Variants in HS6ST2 observed in about 807,000 individuals in gnomAD.
HS6ST2 encodes the protein heparan sulfate 6-O-sulfotransferase 2, also known as heparan-sulfate 6-O-sulfotransferase 2.
In HS6ST2, 17 loss-of-function variants were observed where a neutral mutation model predicts 33.0. The observed-to-expected ratio is 0.52, with a 90% CI of 0.35 to 0.77. The LOEUF (loss-of-function observed/expected upper bound fraction) is 0.77, where lower values mean the gene tolerates loss of function less well. Among genes scored for constraint, HS6ST2 ranks in the 30% least tolerant of loss-of-function variants. The pLI is 0.01. For missense variants in HS6ST2, 519 were observed against 551.7 expected, an observed-to-expected ratio of 0.94 and a Z score of 0.59; for synonymous variants, 248 against 237.1, an observed-to-expected ratio of 1.05 and a Z score of -0.42.
intron 2 of HS6ST2, among the ~76,000 whole-genome samples, chrX:132,809,351 A>G (rs1037629578): frequency 8.9e-6 from 1 of 112,177 alleles, no homozygotes; most frequent in Non-Finnish European, 1.9e-5. Flanking sequence ...CAGGGACCAC[A>G]CTGTGAAAAA....
intron 2 of HS6ST2, among the ~76,000 whole-genome samples, chrX:132,749,455 G>A (rs1252995921): frequency 8.9e-6 from 1 of 112,668 alleles, no homozygotes; most frequent in Non-Finnish European, 1.9e-5. Context: ...GGGGCTTGGG[G>A]AGGTACATAT....
At chrX:132,645,578 A>G (rs186529457) in intron 4 of HS6ST2, among the ~76,000 whole-genome samples, 1 of 112,056 alleles carries the variant, frequency 8.9e-6, no homozygotes, top group Admixed American at 9.5e-5. Context: ...TTCATGAGTT[A>G]AGGTGTTACT....
In HS6ST2 at chrX:132,627,995, T is replaced by C; in HGVS notation, c.*228A>G. ...AGTCTGGTTTGGCTTTCGGATTTCATATTTAGTCCAACCCCAAAAAGACAA... is the reference window on the plus strand; with the variant it reads ...AGTCTGGTTTGGCTTTCGGATTTCACATTTAGTCCAACCCCAAAAAGACAA... On this transcript the variant is annotated 3_prime_UTR_variant, in exon 5 of 5. Transcript: ENST00000370833. The C allele has an allele frequency of 3.5e-6, 1 of 284,490 alleles. No individual in the cohort carries two copies. Among genetic ancestry groups the C allele is most frequent in the Admixed American group, 5.6e-5 (1 of 17,741 alleles). 23.4% of individuals were successfully genotyped at this position (284,490 alleles called of 1,213,427 possible). A position where few individuals can be genotyped will look rare whatever the true frequency, so the allele number is the denominator to read the frequency against.
At chrX:132,704,427 G>T (rs1205059683) in intron 3 of HS6ST2, among the ~76,000 whole-genome samples, 1 of 110,870 alleles carries the variant, frequency 9.0e-6, no homozygotes, top group East Asian at 2.9e-4. Context: ...GGTGGCACAT[G>T]CCTGAAATCC....
intron 2 of HS6ST2, among the ~76,000 whole-genome samples, chrX:132,805,718 C>T (rs932354943): frequency 1.3e-4 from 14 of 110,118 alleles, no homozygotes; most frequent in African/African-American, 2.9e-4. Flanking sequence ...AACTCCTGCC[C>T]CCACTTTCAC....
intron 2 of HS6ST2, among the ~76,000 whole-genome samples, chrX:132,761,647 C>T (rs2064806200): frequency 8.9e-6 from 1 of 111,961 alleles, no homozygotes; most frequent in South Asian, 3.8e-4. Context: ...GTAATTGGTC[C>T]ATGCAAGGAG....
At chrX:132,642,413 A>G (rs1219614939) in intron 4 of HS6ST2, among the ~76,000 whole-genome samples, 1 of 110,984 alleles carries the variant, frequency 9.0e-6, no homozygotes, top group African/African-American at 3.3e-5. Flanking sequence ...CAAGGTGCTG[A>G]GAGATATGAA....
chrX:132,714,349 T>G (rs2064256001), intron 2 of HS6ST2, among the ~76,000 whole-genome samples: 1 of 110,454 alleles, frequency 9.1e-6, no homozygotes, highest in Non-Finnish European at 1.9e-5. Flanking sequence ...GGAGTCTCCC[T>G]CTGTTGCCCA....
intron 2 of HS6ST2, among the ~76,000 whole-genome samples, chrX:132,838,503 A>G (rs752224315): frequency 1.3e-4 from 15 of 111,983 alleles, no homozygotes; most frequent in Non-Finnish European, 2.3e-4. Flanking sequence ...AAATTATAGT[A>G]TCTGAATTGA....
chrX:132,843,584 A>G (rs1263564078), intron 2 of HS6ST2, among the ~76,000 whole-genome samples: 1 of 111,711 alleles, frequency 9.0e-6, no homozygotes, highest in Admixed American at 9.6e-5. Flanking sequence ...TTAGCAATCA[A>G]CAGTTCATTA....
intron 2 of HS6ST2, among the ~76,000 whole-genome samples, chrX:132,932,614 C>T (rs2066784534): frequency 9.1e-6 from 1 of 110,475 alleles, no homozygotes. Flanking sequence ...CGTAGAAAGG[C>T]GTGACCCATA....
chrX:132,898,576 A>T (rs1326639976), intron 2 of HS6ST2, among the ~76,000 whole-genome samples: 1 of 109,655 alleles, frequency 9.1e-6, no homozygotes, highest in Non-Finnish European at 1.9e-5. Flanking sequence ...ATGAAAAAAA[A>T]ATGGCTTTCA....
intron 2 of HS6ST2, among the ~76,000 whole-genome samples, chrX:132,786,804 T>G (rs944640065): frequency 4.6e-5 from 5 of 108,622 alleles, no homozygotes; most frequent in African/African-American, 1.7e-4. Context: ...GTATTTTCAG[T>G]AGAGACGAGG....
intron 2 of HS6ST2, among the ~76,000 whole-genome samples, chrX:132,777,681 A>G (rs2064976721): frequency 9.4e-6 from 1 of 105,908 alleles, no homozygotes; most frequent in Non-Finnish European, 1.9e-5. Context: ...TTCTGACCTC[A>G]GGTGATCCAC....
At chrX:132,728,884 T>C (rs772571061) in intron 2 of HS6ST2, among the ~76,000 whole-genome samples, 56 of 112,755 alleles carry the variant, frequency 5.0e-4, no homozygotes, top group Non-Finnish European at 1.9e-4. Context: ...AGTATATCAC[T>C]GAAACTTGCC....
intron 2 of HS6ST2, among the ~76,000 whole-genome samples, chrX:132,895,292 T>G (rs776552111): frequency 2.4e-4 from 27 of 111,665 alleles, no homozygotes; most frequent in Non-Finnish European, 3.2e-4. Flanking sequence ...CAATGGCTCC[T>G]CATTTTTCTA....
At chrX:132,684,346 G>C (rs1261871719) in intron 3 of HS6ST2, among the ~76,000 whole-genome samples, 3 of 104,903 alleles carry the variant, frequency 2.9e-5, no homozygotes, top group East Asian at 3.0e-4. Flanking sequence ...TGTATATAGA[G>C]AGACATTTTA....
chrX:132,629,941 A>G (rs1224697670), intron 4 of HS6ST2, among the ~76,000 whole-genome samples: 1 of 112,723 alleles, frequency 8.9e-6, no homozygotes, highest in Non-Finnish European at 1.9e-5. Flanking sequence ...CGTGGATGTC[A>G]GCAAGTGTGG....
At chrX:132,658,888 G>A (rs992331007) in intron 4 of HS6ST2, among the ~76,000 whole-genome samples, 7 of 111,002 alleles carry the variant, frequency 6.3e-5, no homozygotes, top group East Asian at 2.8e-4. Context: ...ATATTATTAC[G>A]CCTGCCATAC....
Sources: gnomAD v4.1 joint callset for allele counts (sites outside exome capture counted in the v4.1 genomes callset) on GRCh38, gnomAD v4.1.1 for gene constraint, MANE v1.5 for transcripts, NCBI Gene and HGNC (gene_info 2026-07-23, HGNC 2026-07-21) for gene names.